Variants in SHB observed in about 807,000 individuals in gnomAD.
The protein encoded by SHB is SH2 domain containing adaptor protein B, also known as SH2 domain-containing adapter protein B.
In SHB, 20 loss-of-function variants were observed where a neutral mutation model predicts 52.3. That is an observed-to-expected ratio of 0.38 (90% confidence interval 0.27 to 0.56). SHB has a LOEUF of 0.56. Ranked by LOEUF, SHB falls within the 20% of genes least tolerant of loss-of-function variation. The probability of loss-of-function intolerance (pLI) is 0.71; values close to 1 mark genes in which losing one functional copy is unlikely to be tolerated. For missense variants in SHB, 825 were observed against 723.3 expected (o/e 1.14, Z -1.61); for synonymous variants, 397 against 316.5 (o/e 1.25, Z -2.70).
At chr9:37,966,995 T>C (rs1294973306) in intron 3 of SHB, among the ~76,000 whole-genome samples, 2 of 152,206 alleles carry the variant, frequency 1.3e-5, no homozygotes, top group Non-Finnish European at 2.9e-5. Context: ...AATTCCAGCC[T>C]GACCCCAGCC....
rs1273373980 is a variant in SHB at position 37,918,626 on chromosome 9, A to G, written c.*1195T>C. On this transcript the variant is annotated 3_prime_UTR_variant, in exon 6 of 6. Transcript: ENST00000377707. Reference sequence around the variant, plus strand: ...GTGACAGCAAGGCCATGCAGAACCAACGAAAGAGCATTGGCTGCAGAACCG... The same window carrying G: ...GTGACAGCAAGGCCATGCAGAACCAGCGAAAGAGCATTGGCTGCAGAACCG... Among the ~76,000 whole-genome samples the G allele has an allele frequency of 2.0e-5, 3 of 152,316 alleles. No homozygotes were observed. In the South Asian group the frequency reaches 6.2e-4, roughly 32 times the overall value.
In SHB at chr9:37,987,023, C is replaced by T. The variant is rs115335253; in HGVS notation, c.839-12186G>A. On this transcript the variant is annotated intron_variant, in intron 2 of 5. Coordinates refer to ENST00000377707, the MANE Select transcript of SHB (RefSeq NM_003028.3). ...TAAAGCCATAGGGGACAGGCTTTCA[C>T]GCCAGACCAGTCACGGCTATACCCC... Among the ~76,000 whole-genome samples the T allele has an allele frequency of 6.3e-3, 953 of 152,348 alleles. 14 individuals carry two copies. Among genetic ancestry groups the T allele is most frequent in the African/African-American group, 0.022 (909 of 41,576 alleles).
chr9:38,050,551 AAT>A lies in SHB; in HGVS notation c.717+17376_717+17377del, dbSNP rs1457500321. 2.6e-5 allele frequency among the ~76,000 whole-genome samples: 4 copies of A among 152,254 alleles called. No homozygotes were observed. In the East Asian group the frequency reaches 5.8e-4, roughly 22 times the overall value. ...GGAAGACACAAGAACGTATGAACAA[AAT>A]ATATGTTTTGTTTCAGTACCCTTCA... On this transcript the variant is annotated intron_variant, in intron 1 of 5. Transcript: ENST00000377707.
chr9:38,020,596 G>A (rs1587247607), intron 1 of SHB, among the ~76,000 whole-genome samples: 2 of 152,276 alleles, frequency 1.3e-5, no homozygotes, highest in Middle Eastern at 6.8e-3. Flanking sequence ...CAGGATCTAA[G>A]ACATGGAGGA....
intron 1 of SHB, among the ~76,000 whole-genome samples, chr9:38,026,296 A>G (rs371199534): frequency 6.6e-6 from 1 of 152,246 alleles, no homozygotes; most frequent in African/African-American, 2.4e-5. Flanking sequence ...CTGTGCTAGA[A>G]GCCAAGGTTA....
chr9:37,975,598 A>G (rs983000886), intron 2 of SHB, among the ~76,000 whole-genome samples: 2 of 152,208 alleles, frequency 1.3e-5, no homozygotes, highest in East Asian at 1.9e-4. Flanking sequence ...GCTGCTGCTC[A>G]GTCCTGGGAG....
At chr9:37,936,041 A>G (rs542820234) in intron 5 of SHB, among the ~76,000 whole-genome samples, 3 of 100,712 alleles carry the variant, frequency 3.0e-5, no homozygotes, top group African/African-American at 1.2e-4. Context: ...CGTCTCTACT[A>G]AAAAAAAAAA....
intron 2 of SHB, among the ~76,000 whole-genome samples, chr9:37,982,978 C>CCCG (rs570105527): frequency 1.8e-4 from 27 of 151,478 alleles, no homozygotes; most frequent in African/African-American, 2.9e-4. Context: ...CTGGTGCCCC[C>CCCG]CCCTCCATCT....
intron 2 of SHB, among the ~76,000 whole-genome samples, chr9:38,009,556 C>T (rs1385786711): frequency 6.6e-6 from 1 of 152,270 alleles, no homozygotes; most frequent in African/African-American, 2.4e-5. Flanking sequence ...AGAACCTGTA[C>T]TTCCTGCCTC....
At chr9:37,943,953 C>T (rs1179986272) in intron 5 of SHB, among the ~76,000 whole-genome samples, 1 of 152,184 alleles carries the variant, frequency 6.6e-6, no homozygotes, top group East Asian at 1.9e-4. Context: ...TCCTCCACTG[C>T]CAGCCTTTCC....
chr9:38,047,994 G>A (rs1232785668), intron 1 of SHB, among the ~76,000 whole-genome samples: 1 of 152,144 alleles, frequency 6.6e-6, no homozygotes, highest in Non-Finnish European at 1.5e-5. Context: ...GATCCTCATC[G>A]CCAGCATTCC....
chr9:38,015,563 C>T (rs1821199389), intron 2 of SHB: 9 of 686,276 alleles, frequency 1.3e-5, no homozygotes, highest in Non-Finnish European at 2.4e-5. Context: ...ATAATTTTGT[C>T]TCTACTAGTA....
At chr9:38,048,659 C>T (rs553776207) in intron 1 of SHB, among the ~76,000 whole-genome samples, 7 of 152,144 alleles carry the variant, frequency 4.6e-5, no homozygotes, top group African/African-American at 1.2e-4. Context: ...AATACACATA[C>T]AAAAAATGAA....
At position 37,955,962 on chromosome 9, in the gene SHB, G is replaced by A. The variant is rs773442183; in HGVS notation, c.1147C>T (p.Pro383Ser). Residue 383 changes from proline to serine, a missense_variant, in exon 4 of 6, where the codon CCT (proline) becomes TCT (serine). Physicochemically the swap from Pro to Ser is moderately conservative, Grantham distance 74. Transcript: ENST00000377707. ...QLRAPGGGFKPIKHGSPEFCG... is the reference protein window; with the variant it reads ...QLRAPGGGFKSIKHGSPEFCG... ...AACTCAGGGCTCCCATGTTTGATAGGCTTAAAGCCCCCTCCAGGGGCACGA... is the reference window on the plus strand; with the variant it reads ...AACTCAGGGCTCCCATGTTTGATAGACTTAAAGCCCCCTCCAGGGGCACGA... The A allele has an allele frequency of 6.2e-7, 1 of 1,611,470 alleles. No homozygotes were observed. Among genetic ancestry groups the A allele is most frequent in the East Asian group, 2.2e-5 (1 of 44,834 alleles).
chr9:37,956,845 C>T (rs189548869), intron 3 of SHB, among the ~76,000 whole-genome samples: 2 of 152,328 alleles, frequency 1.3e-5, no homozygotes, highest in Admixed American at 6.5e-5. Context: ...ATAATGACAG[C>T]ACCCATCTCA....
chr9:38,042,265 G>C (rs1463281719), intron 1 of SHB, among the ~76,000 whole-genome samples: 2 of 152,248 alleles, frequency 1.3e-5, no homozygotes, highest in Non-Finnish European at 2.9e-5. Flanking sequence ...CCGGGACACA[G>C]TAAGAGCTCA....
chr9:37,931,850 A>G (rs1832314418), intron 5 of SHB, among the ~76,000 whole-genome samples: 1 of 152,366 alleles, frequency 6.6e-6, no homozygotes, highest in South Asian at 2.1e-4. Flanking sequence ...AAGGTCTGTC[A>G]AGGATGAATG....
intron 3 of SHB, among the ~76,000 whole-genome samples, chr9:37,971,654 G>T (rs1358628932): frequency 1.3e-5 from 2 of 152,108 alleles, no homozygotes; most frequent in Non-Finnish European, 2.9e-5. Flanking sequence ...CACAGACGTG[G>T]ATGTGATTCT....
At chr9:37,986,687 T>C (rs1314571669) in intron 2 of SHB, among the ~76,000 whole-genome samples, 1 of 152,112 alleles carries the variant, frequency 6.6e-6, no homozygotes, top group Non-Finnish European at 1.5e-5. Context: ...CCCCCAGATG[T>C]GGAAATGCTG....
Sources: gnomAD v4.1 joint callset for allele counts (sites outside exome capture counted in the v4.1 genomes callset) on GRCh38, gnomAD v4.1.1 for gene constraint, MANE v1.5 for transcripts, NCBI Gene and HGNC (gene_info 2026-07-23, HGNC 2026-07-21) for gene names.